Variants in COQ5 observed in about 807,000 individuals in gnomAD.
The protein encoded by COQ5 is 2-methoxy-6-polyprenyl-1,4-benzoquinol methylase, mitochondrial.
Under a neutral mutation model 40.5 loss-of-function variants are expected in COQ5, and 27 were observed. The observed-to-expected ratio is 0.67, with a 90% CI of 0.49 to 0.92. The LOEUF (loss-of-function observed/expected upper bound fraction) is 0.92, where lower values mean the gene tolerates loss of function less well. Ranked by LOEUF, COQ5 falls within the 40% of genes least tolerant of loss-of-function variation. The pLI, the probability that COQ5 is intolerant of heterozygous loss-of-function variation, is 0.00. For missense variants in COQ5, 409 were observed against 406.4 expected (o/e 1.01, Z -0.06); for synonymous variants, 141 against 150.0 (o/e 0.94, Z 0.44).
At chr12:120,510,576 A>G (rs1012641979) in intron 3 of COQ5, among the ~76,000 whole-genome samples, 1 of 152,130 alleles carries the variant, frequency 6.6e-6, no homozygotes, top group African/African-American at 2.4e-5. Flanking sequence ...GGCCTCCCAA[A>G]GTGCTGGAAT....
intron 2 of COQ5, among the ~76,000 whole-genome samples, chr12:120,518,433 A>C (rs1229606234): frequency 1.3e-5 from 2 of 151,708 alleles, no homozygotes; most frequent in Non-Finnish European, 2.9e-5. Flanking sequence ...TTCCAAAAAA[A>C]AAAAAAAAAA....
At chr12:120,523,625 G>C (rs1460231016) in intron 1 of COQ5, among the ~76,000 whole-genome samples, 1 of 152,140 alleles carries the variant, frequency 6.6e-6, no homozygotes, top group South Asian at 2.1e-4. Context: ...CCATATACCT[G>C]GTACTAAATA....
At chr12:120,513,376 C>T (rs1232389972) in intron 3 of COQ5, among the ~76,000 whole-genome samples, 1 of 150,918 alleles carries the variant, frequency 6.6e-6, no homozygotes, top group East Asian at 2.1e-4. Context: ...GCGGCATGTG[C>T]CTGTAGTCCC....
At chr12:120,512,180 A>C (rs1040747408) in intron 3 of COQ5, among the ~76,000 whole-genome samples, 4 of 152,186 alleles carry the variant, frequency 2.6e-5, no homozygotes, top group African/African-American at 9.7e-5. Flanking sequence ...ACCGCACTCC[A>C]GCCTGGGTGA....
At chr12:120,505,145 T>A (rs761189771) in intron 4 of COQ5, among the ~76,000 whole-genome samples, 162 bp from the exon 5 acceptor site, 3 of 152,204 alleles carry the variant, frequency 2.0e-5, no homozygotes. Context: ...GCAATAACCC[T>A]ACGTATCCCA....
intron 1 of COQ5, among the ~76,000 whole-genome samples, chr12:120,526,701 T>TTTTTTTTTTTG: frequency 2.5e-5 from 1 of 40,470 alleles, no homozygotes; most frequent in Non-Finnish European, 5.0e-5. Context: ...CTTGGCAATT[T>TTTTTTTTTTTG]TTTTTTTTTT....
At chr12:120,508,541 T>C (rs1377314644) in intron 4 of COQ5, among the ~76,000 whole-genome samples, 1 of 151,848 alleles carries the variant, frequency 6.6e-6, no homozygotes, top group Non-Finnish European at 1.5e-5. Flanking sequence ...ATGCAAAACA[T>C]AGGAAAAAAA....
At chr12:120,509,124 AC>A (rs1343157352) in intron 4 of COQ5, among the ~76,000 whole-genome samples, 1 of 152,192 alleles carries the variant, frequency 6.6e-6, no homozygotes, top group Non-Finnish European at 1.5e-5. Context: ...TAAAGAACTT[AC>A]CACTTAACCA....
intron 3 of COQ5, among the ~76,000 whole-genome samples, chr12:120,514,971 T>C (rs1425944639): frequency 6.6e-6 from 1 of 151,946 alleles, no homozygotes; most frequent in African/African-American, 2.4e-5. Context: ...TTTGTATTTT[T>C]AGTAGAGACA....
chr12:120,516,875 ACAGAGG>A, intron 2 of COQ5, 87 bp from the exon 3 acceptor site: 2 of 1,126,264 alleles, frequency 1.8e-6, no homozygotes, highest in Non-Finnish European at 1.3e-6. Flanking sequence ...CAAAGGGGTA[ACAGAGG>A]CACAGGAGTA....
intron 1 of COQ5, chr12:120,523,493 C>A: frequency 3.5e-6 from 1 of 281,704 alleles, no homozygotes; most frequent in South Asian, 3.9e-5. Flanking sequence ...GCTCCTAAGT[C>A]GTGGATGGCA....
Position 120,504,978 on chromosome 12 carries a change from G to A in COQ5, c.687C>T (p.Leu229=). The change falls in exon 5 of 7, where the codon CTC becomes CTT. Residue 229 remains leucine (L), a synonymous_variant. Coordinates refer to ENST00000288532, the MANE Select transcript of COQ5 (RefSeq NM_032314.4). ...IRNVTHIDQA[L]QEAHRVLKPG... is the part of the protein sequence containing the mutation. ...GTTTCAGCACCCGATGAGCTTCCTG[G>A]AGTGCCTGAGCAAGACAAGGAACAA... The A allele has an allele frequency of 6.2e-7, 1 of 1,613,950 alleles. No individual in the cohort carries two copies. Among genetic ancestry groups the A allele is most frequent in the Non-Finnish European group, 8.5e-7 (1 of 1,179,906 alleles).
Position 120,520,411 on chromosome 12 carries a change from G to C in COQ5, c.352+1803C>G, listed in dbSNP as rs28630538. On this transcript the variant is annotated intron_variant, in intron 2 of 6. Coordinates refer to ENST00000288532, the MANE Select transcript of COQ5 (RefSeq NM_032314.4). ...CTTGATCTCGGCTCACTGCAACCTC[G>C]GCCTCCTGGGTTCAAGCAATTCTCT... 4.4e-3 allele frequency among the ~76,000 whole-genome samples: 651 copies of C among 148,102 alleles called. 6 individuals are homozygous for C. Among genetic ancestry groups the C allele is most frequent in the African/African-American group, 0.015 (609 of 40,146 alleles).
intron 1 of COQ5, chr12:120,523,034 T>TAAA: frequency 2.3e-6 from 1 of 439,540 alleles, no homozygotes. Flanking sequence ...GAGATTCTTA[T>TAAA]AAAAAAAAAA....
chr12:120,503,676 G>T lies in COQ5; in HGVS notation c.*108C>A. 2 of 800,534 alleles carry T rather than the reference G, an allele frequency of 2.5e-6. No individual in the cohort carries two copies. The highest frequency in any genetic ancestry group is 2.2e-6 in the Non-Finnish European group (1 of 458,816). 49.6% of individuals were successfully genotyped at this position (800,534 alleles called of 1,614,324 possible). The stretch of plus-strand genomic sequence containing the variant: ...CGATTCAAACATGAGTCCAAGGCAC[G>T]TATCCTTAAGAGGAGATGCTCTGCT... On this transcript the variant is annotated 3_prime_UTR_variant, in exon 7 of 7. Coordinates refer to ENST00000288532, the MANE Select transcript of COQ5 (RefSeq NM_032314.4).
At chr12:120,523,180 T>C (rs1869760324) in intron 1 of COQ5, among the ~76,000 whole-genome samples, 1 of 151,742 alleles carries the variant, frequency 6.6e-6, no homozygotes, top group Admixed American at 6.6e-5. Context: ...CTACTAAAAA[T>C]ACAAAAAATT....
At position 120,528,699 on chromosome 12, in the gene COQ5, G is replaced by T. The variant is rs1870080267; in HGVS notation, c.202+241C>A. ...GGCGCCTGTAATCCCAGCTACTCGGGAAGCTGAGGCAGGAGAATCGCTTGA... is the reference window on the plus strand; with the variant it reads ...GGCGCCTGTAATCCCAGCTACTCGGTAAGCTGAGGCAGGAGAATCGCTTGA... On this transcript the variant is annotated intron_variant, in intron 1 of 6. Transcript: ENST00000288532. Among the ~76,000 whole-genome samples the T allele has an allele frequency of 3.3e-5, 5 of 151,994 alleles. No individual in the cohort carries two copies. In the South Asian group the frequency reaches 1.0e-3, roughly 31 times the overall value.
chr12:120,513,458 C>T (rs1272373244), intron 3 of COQ5, among the ~76,000 whole-genome samples: 6 of 149,632 alleles, frequency 4.0e-5, no homozygotes, highest in African/African-American at 1.5e-4. Context: ...GCCGAGATTG[C>T]GCCACTGCAC....
intron 3 of COQ5, among the ~76,000 whole-genome samples, chr12:120,515,474 A>T (rs921574078): frequency 6.6e-6 from 1 of 152,210 alleles, no homozygotes. Context: ...TCATCTGCCT[A>T]TCTGCTGTTC....
Sources: allele counts gnomAD v4.1 joint callset (sites outside exome capture counted in the v4.1 genomes callset), GRCh38; gene constraint gnomAD v4.1.1; transcripts MANE v1.5; gene names NCBI Gene and HGNC (gene_info 2026-07-23, HGNC 2026-07-21).